MDGA1: variants seen among roughly 807,000 people sequenced by gnomAD.
MDGA1 encodes the protein MAM domain containing glycosylphosphatidylinositol anchor 1.
Under a neutral mutation model 101.5 loss-of-function variants are expected in MDGA1, and 54 were observed. That is an observed-to-expected ratio of 0.53 (90% CI 0.43 to 0.67). The LOEUF (loss-of-function observed/expected upper bound fraction) is 0.67, where lower values mean the gene tolerates loss of function less well. MDGA1 is among the 30% of genes least tolerant of loss of function. The pLI is 0.00. For missense variants in MDGA1, 1,083 were observed against 1,323.8 expected (o/e 0.82, Z 2.82); for synonymous variants, 533 against 558.3 (o/e 0.95, Z 0.64).
At chr6:37,680,899 C>G (rs1762079371) in intron 1 of MDGA1, among the ~76,000 whole-genome samples, 1 of 152,176 alleles carries the variant, frequency 6.6e-6, no homozygotes, top group Non-Finnish European at 1.5e-5. Context: ...TTGTGAAAAC[C>G]AAATCCACAA....
intron 1 of MDGA1, among the ~76,000 whole-genome samples, chr6:37,677,388 G>C (rs982884465): frequency 6.6e-6 from 1 of 152,170 alleles, no homozygotes; most frequent in Non-Finnish European, 1.5e-5. Context: ...ATTCACATAA[G>C]GATATTCATG....
chr6:37,672,930 T>C (rs148446032), intron 1 of MDGA1, among the ~76,000 whole-genome samples: 1 of 151,956 alleles, frequency 6.6e-6, no homozygotes, highest in East Asian at 1.9e-4. Context: ...ACTAGTGCTG[T>C]CTCAGGTCTC....
In MDGA1 at chr6:37,654,750, TG is replaced by T. The variant is rs771782727; in HGVS notation, c.712+49del. On this transcript the variant is annotated intron_variant, in intron 5 of 16. Transcript: ENST00000434837. ...GTGGGGTGGGGCACTATCTCCTGGT[TG>T]GGAGTTAGCTCAGGTAGGGAAGGAG... is the stretch of plus-strand genomic sequence containing the variant. 4.4e-6 allele frequency: 7 copies of T among 1,608,948 alleles called. No homozygotes were observed. In the South Asian group the frequency reaches 7.7e-5, roughly 18 times the overall value.
chr6:37,666,086 G>A (rs972895911), intron 1 of MDGA1, among the ~76,000 whole-genome samples: 1 of 151,808 alleles, frequency 6.6e-6, no homozygotes, highest in African/African-American at 2.4e-5. Flanking sequence ...GGTGGCTCAC[G>A]CCTGTAATCC....
rs191565915 is a variant in MDGA1, at chr6:37,683,932, A to G, written c.67+12813T>C. ...GTTTTGACTGTCCATGGTGTCCACT[A>G]CGAAATTTCTCACATGGCCACAACA... is the stretch of plus-strand genomic sequence containing the variant. On this transcript the variant is annotated intron_variant, in intron 1 of 16. Coordinates refer to ENST00000434837, the MANE Select transcript of MDGA1 (RefSeq NM_153487.4). Among the ~76,000 whole-genome samples the G allele has an allele frequency of 7.2e-4, 110 of 152,304 alleles. 1 individual carries two copies. Among genetic ancestry groups the G allele is most frequent in the South Asian group, 5.0e-3 (24 of 4,830 alleles).
In MDGA1 at chr6:37,634,416, GAC is replaced by G. The variant is rs1239516262; in HGVS notation, c.*2950_*2951del. Reference sequence around the variant, plus strand: ...ACACTGACACACCATGGCGCACAAAGACACAGCATGAGCAACACTGATACAGA... The same window carrying G: ...ACACTGACACACCATGGCGCACAAAGACAGCATGAGCAACACTGATACAGA... On this transcript the variant is annotated 3_prime_UTR_variant, in exon 17 of 17. Transcript: ENST00000434837. This position sits in a 1 kb window ranked among gnomAD's most constrained non-coding sequence, Gnocchi z 4.7. 7 of 153,166 alleles carry G rather than the reference GAC, an allele frequency of 4.6e-5. No homozygotes were observed. The highest frequency in any genetic ancestry group is 6.5e-5 in the Admixed American group (1 of 15,270). The allele number at this position is 153,166 out of a possible 1,614,324, so 9.5% of individuals were successfully genotyped here.
intron 14 of MDGA1, among the ~76,000 whole-genome samples, chr6:37,642,478 A>C (rs1764111665): frequency 6.6e-6 from 1 of 151,916 alleles, no homozygotes; most frequent in Non-Finnish European, 1.5e-5. Flanking sequence ...GGCCATATGT[A>C]CTGGTTTCTA....
chr6:37,645,464 G>C (rs1581847713), intron 12 of MDGA1, among the ~76,000 whole-genome samples: 1 of 152,094 alleles, frequency 6.6e-6, no homozygotes, highest in Non-Finnish European at 1.5e-5. Flanking sequence ...AACCCGGGAG[G>C]CGCAGAGGTT....
chr6:37,656,865 T>C (rs1761500685), intron 3 of MDGA1, among the ~76,000 whole-genome samples: 1 of 152,208 alleles, frequency 6.6e-6, no homozygotes, highest in Admixed American at 6.5e-5. Context: ...TGTTTCCTCA[T>C]TGGTAAACTA....
intron 1 of MDGA1, among the ~76,000 whole-genome samples, chr6:37,677,904 C>A (rs527837055): frequency 1.3e-5 from 2 of 152,272 alleles, no homozygotes; most frequent in African/African-American, 4.8e-5. Context: ...CTGGAAAGCA[C>A]CCCACCCAGC....
At position 37,658,306 on chromosome 6, in the gene MDGA1, G is replaced by A. The variant is rs1761538415; in HGVS notation, c.321C>T (p.Tyr107=). Residue 107 remains tyrosine, a synonymous_variant, in exon 3 of 17, where the codon TAC becomes TAT. Coordinates refer to ENST00000434837, the MANE Select transcript of MDGA1 (RefSeq NM_153487.4). ...RIARTQGGRY[Y]CKAENGVGVP... is the part of the protein sequence containing the mutation. ...CCCCCACGCCGTTCTCAGCCTTGCA[G>A]TAGTAGCGGCCGCCCTGCGTGCGTG... The A allele has an allele frequency of 6.2e-7, 1 of 1,612,420 alleles. No individual in the cohort carries two copies. The highest frequency in any genetic ancestry group is 8.5e-7 in the Non-Finnish European group (1 of 1,179,460).
At chr6:37,647,145 C>G in intron 10 of MDGA1, 28 bp downstream of exon 10, 13 of 1,576,728 alleles carry the variant, frequency 8.2e-6, no homozygotes, top group Non-Finnish European at 1.0e-5. Context: ...TCCACCTGCC[C>G]CCAGGCCCCC....
chr6:37,662,477 C>A (rs12195277), intron 2 of MDGA1, among the ~76,000 whole-genome samples: 90,114 of 151,424 alleles, frequency 0.6, 28,173 homozygotes, highest in East Asian at 0.85. Flanking sequence ...TCTACAAAAA[C>A]AATTAAAAAT....
In MDGA1 at chr6:37,664,104, G is replaced by A; in HGVS notation, c.70C>T (p.Pro24Ser). The A allele has an allele frequency of 6.2e-7, 1 of 1,613,884 alleles. No individual in the cohort carries two copies. The highest frequency in any genetic ancestry group is 8.5e-7 in the Non-Finnish European group (1 of 1,179,872). ...FHCRGQGVYA[P>S]AQAQIVHAGQ... ...GCATGCACGATCTGCGCCTGGGCTG[G>A]AGCTGGCAGGAGAGGATGGAGGAGG... is the stretch of plus-strand genomic sequence containing the variant. The change falls in exon 2 of 17, where the codon CCA becomes TCA. Residue 24 changes from proline to serine, a missense_variant and splice_region_variant. Pro to Ser is a moderately conservative substitution (Grantham distance 74). Coordinates refer to ENST00000434837, the MANE Select transcript of MDGA1 (RefSeq NM_153487.4).
chr6:37,672,175 G>T (rs751838010), intron 1 of MDGA1, among the ~76,000 whole-genome samples: 67 of 151,738 alleles, frequency 4.4e-4, no homozygotes, highest in Middle Eastern at 6.8e-3. Context: ...TTCAGGCCGG[G>T]CACAGTGCCT....
At chr6:37,676,902 GA>G (rs564072339) in intron 1 of MDGA1, among the ~76,000 whole-genome samples, 1,044 of 71,446 alleles carry the variant, frequency 0.015, 11 homozygotes, top group East Asian at 0.039. Context: ...CATCTCAACA[GA>G]AAAAAAAAAA....
At chr6:37,691,014 T>C (rs916314747) in intron 1 of MDGA1, among the ~76,000 whole-genome samples, 2 of 152,244 alleles carry the variant, frequency 1.3e-5, no homozygotes, top group Non-Finnish European at 2.9e-5. Flanking sequence ...TACTTCAACC[T>C]TCAAATTCTC....
At chr6:37,658,800 G>A (rs1356628877) in intron 2 of MDGA1, among the ~76,000 whole-genome samples, 3 of 151,944 alleles carry the variant, frequency 2.0e-5, no homozygotes, top group Non-Finnish European at 4.4e-5. Context: ...GTGAAACCAC[G>A]GCTCTACTAA....
intron 13 of MDGA1, 92 bp downstream of exon 13, chr6:37,644,405 G>T: frequency 1.5e-6 from 2 of 1,304,288 alleles, no homozygotes; most frequent in Non-Finnish European, 2.0e-6. Context: ...TCAGACTGGA[G>T]CCGTCTCCCT....
Sources: allele counts gnomAD v4.1 joint callset (sites outside exome capture counted in the v4.1 genomes callset), GRCh38; gene constraint gnomAD v4.1.1; non-coding constraint Gnocchi (gnomAD v3.1); transcripts MANE v1.5; gene names NCBI Gene and HGNC (gene_info 2026-07-23, HGNC 2026-07-21).